The following NHSL2 variants were observed in gnomAD, a reference collection of about 807,000 sequenced individuals.
NHSL2 encodes NHS-like protein 2.
Under a neutral mutation model 53.4 loss-of-function variants are expected in NHSL2, and 27 were observed. The observed-to-expected ratio is 0.51, with a 90% CI of 0.37 to 0.70. The LOEUF (loss-of-function observed/expected upper bound fraction) is 0.70, where lower values mean the gene tolerates loss of function less well. Among genes scored for constraint, NHSL2 ranks in the 30% least tolerant of loss-of-function variants. The probability of loss-of-function intolerance (pLI) is 0.00; values close to 1 mark genes in which losing one functional copy is unlikely to be tolerated. For missense variants in NHSL2, 892 were observed against 980.1 expected, an observed-to-expected ratio of 0.91 and a Z score of 1.20; for synonymous variants, 408 against 404.1, an observed-to-expected ratio of 1.01 and a Z score of -0.12.
intron 1 of NHSL2, chrX:72,127,714 A>C (rs2042241404): frequency 8.9e-6 from 1 of 112,842 alleles, no homozygotes; most frequent in South Asian, 3.6e-4. Flanking sequence ...AAATCAGCTG[A>C]AAAACAGACA....
intron 1 of NHSL2, among the ~76,000 whole-genome samples, chrX:72,104,278 G>A (rs1006498134): frequency 1.8e-5 from 2 of 112,600 alleles, no homozygotes; most frequent in Non-Finnish European, 3.7e-5. Context: ...TGTTAATAAC[G>A]AAATGCATAT....
intron 1 of NHSL2, among the ~76,000 whole-genome samples, chrX:72,038,838 A>G (rs2042255317): frequency 9.0e-6 from 1 of 111,659 alleles, no homozygotes; most frequent in Non-Finnish European, 1.9e-5. Flanking sequence ...AATGGTATAT[A>G]TAGGAGATAA....
At chrX:72,042,883 G>A (rs1332795353) in intron 1 of NHSL2, among the ~76,000 whole-genome samples, 1 of 110,819 alleles carries the variant, frequency 9.0e-6, no homozygotes, top group Admixed American at 9.6e-5. Flanking sequence ...AATAAATGAA[G>A]GAAGGAATGA....
intron 1 of NHSL2, among the ~76,000 whole-genome samples, chrX:72,121,608 T>C (rs1423151879): frequency 8.9e-6 from 1 of 111,875 alleles, no homozygotes; most frequent in African/African-American, 3.3e-5. Context: ...TAAACAGTTC[T>C]TGAAAAAGAA....
chrX:71,924,907 T>C (rs1383018829), intron 1 of NHSL2, among the ~76,000 whole-genome samples: 1 of 112,517 alleles, frequency 8.9e-6, no homozygotes, highest in East Asian at 2.8e-4. Context: ...GAAAAGGCTT[T>C]GTAAACAAAA....
At chrX:71,964,009 A>ATGTG (rs1324207735) in intron 1 of NHSL2, among the ~76,000 whole-genome samples, 5 of 38,524 alleles carry the variant, frequency 1.3e-4, no homozygotes, top group South Asian at 2.0e-3. Flanking sequence ...ACATATATAT[A>ATGTG]TGTATATATA....
intron 1 of NHSL2, among the ~76,000 whole-genome samples, chrX:71,992,617 A>G (rs979921162): frequency 8.9e-6 from 1 of 112,730 alleles, no homozygotes; most frequent in African/African-American, 3.2e-5. Flanking sequence ...ACACATTTCA[A>G]AGCCCTGGAG....
intron 1 of NHSL2, among the ~76,000 whole-genome samples, chrX:72,026,144 G>A (rs1569473069): frequency 8.9e-6 from 1 of 111,868 alleles, no homozygotes; most frequent in African/African-American, 3.3e-5. Context: ...GGTCTCCCCT[G>A]CCCGATTCCC....
chrX:71,955,538 C>T (rs138646548), intron 1 of NHSL2, among the ~76,000 whole-genome samples: 180 of 110,256 alleles, frequency 1.6e-3, no homozygotes, highest in African/African-American at 5.8e-3. Context: ...TCTTCAAGGC[C>T]GGGAGTTTAT....
At chrX:72,033,071 G>A (rs1364319089) in intron 1 of NHSL2, among the ~76,000 whole-genome samples, 1 of 111,165 alleles carries the variant, frequency 9.0e-6, no homozygotes, top group Non-Finnish European at 1.9e-5. Context: ...AGGGCCTAGT[G>A]CCTTTCCACG....
At chrX:71,969,965 G>A (rs777432867) in intron 1 of NHSL2, among the ~76,000 whole-genome samples, 4 of 111,677 alleles carry the variant, frequency 3.6e-5, no homozygotes, top group Admixed American at 9.5e-5. Context: ...TATGTTGAGT[G>A]TTTTTATCAT....
intron 1 of NHSL2, among the ~76,000 whole-genome samples, chrX:72,090,221 A>G (rs2147442623): frequency 1.8e-5 from 2 of 110,096 alleles, no homozygotes; most frequent in East Asian, 5.7e-4. Context: ...ACGCCACCTC[A>G]CCCGGCTAAT....
At chrX:72,006,677 C>T (rs1324321359) in intron 1 of NHSL2, among the ~76,000 whole-genome samples, 9 of 112,472 alleles carry the variant, frequency 8.0e-5, no homozygotes, top group African/African-American at 2.3e-4. Context: ...CTCAGCCTCC[C>T]GAGGAGCTGG....
intron 1 of NHSL2, among the ~76,000 whole-genome samples, chrX:71,912,253 C>T (rs1320630346): frequency 2.7e-5 from 3 of 112,116 alleles, no homozygotes; most frequent in Admixed American, 1.9e-4. Context: ...CACGGGGAAT[C>T]CTCTGTCTGT....
Position 72,132,076 on chromosome X carries a change from T to C in NHSL2, c.281-3T>C. 1.7e-6 allele frequency: 2 copies of C among 1,166,190 alleles called. No homozygotes were observed. Among genetic ancestry groups the C allele is most frequent in the Non-Finnish European group, 2.3e-6 (2 of 871,873 alleles). On this transcript the variant is annotated splice_polypyrimidine_tract_variant and splice_region_variant and intron_variant, in intron 1 of 7. Transcript: ENST00000633930. ...GCCTCTCACTGACTCTCTCCTTCCC[T>C]AGCTGCAGCTAACTCGGGTCGGGAA...
At chrX:72,089,348 A>G (rs1287599141) in intron 1 of NHSL2, among the ~76,000 whole-genome samples, 2 of 111,808 alleles carry the variant, frequency 1.8e-5, no homozygotes, top group Non-Finnish European at 3.8e-5. Flanking sequence ...AACTAGCAAT[A>G]CAAGATAGCC....
chrX:72,094,177 A>T (rs183364635), intron 1 of NHSL2, among the ~76,000 whole-genome samples: 17 of 112,126 alleles, frequency 1.5e-4, no homozygotes, highest in Admixed American at 3.8e-4. Flanking sequence ...AAAAGGCTTA[A>T]GAAGTTACAC....
intron 1 of NHSL2, among the ~76,000 whole-genome samples, chrX:72,017,856 A>T (rs1385486667): frequency 8.0e-5 from 9 of 111,916 alleles, no homozygotes; most frequent in African/African-American, 2.9e-4. Flanking sequence ...TTGAAATCCG[A>T]TCTATCACTA....
At chrX:72,131,119 G>A in intron 1 of NHSL2, 1 of 1,203,620 alleles carries the variant, frequency 8.3e-7, no homozygotes, top group Non-Finnish European at 1.1e-6. Flanking sequence ...AGGGGGTTGC[G>A]GGGGCGGTTC....
Sources: gnomAD v4.1 joint callset for allele counts (sites outside exome capture counted in the v4.1 genomes callset) on GRCh38, gnomAD v4.1.1 for gene constraint, MANE v1.5 for transcripts, NCBI Gene and HGNC (gene_info 2026-07-23, HGNC 2026-07-21) for gene names.